The following HECW2 variants were observed in gnomAD, a reference collection of about 807,000 sequenced individuals.
HECW2 encodes HECT, C2 and WW domain containing E3 ubiquitin protein ligase 2.
HECW2 carries 61 observed loss-of-function variants against 175.2 expected under a neutral mutation model. The observed-to-expected ratio is 0.35, with a 90% CI of 0.28 to 0.43. The LOEUF (loss-of-function observed/expected upper bound fraction) is 0.43, where lower values mean the gene tolerates loss of function less well. HECW2 is among the 20% of genes least tolerant of loss of function. The pLI is 1.00. For missense variants in HECW2, 1,524 were observed against 2,000.5 expected, an observed-to-expected ratio of 0.76 and a Z score of 4.54; for synonymous variants, 671 against 731.0, an observed-to-expected ratio of 0.92 and a Z score of 1.32.
chr2:196,511,272 T>C (rs1687944548), intron 1 of HECW2, among the ~76,000 whole-genome samples: 1 of 152,212 alleles, frequency 6.6e-6, no homozygotes, highest in South Asian at 2.1e-4. Context: ...TTCCTAAATG[T>C]GAAATCACAA....
At chr2:196,275,626 C>A (rs775916360) in intron 15 of HECW2, among the ~76,000 whole-genome samples, 1 of 152,084 alleles carries the variant, frequency 6.6e-6, no homozygotes, top group Non-Finnish European at 1.5e-5. Context: ...GTGGCAGGTG[C>A]CTGTAGTCCC....
chr2:196,303,195 T>C (rs1691133313), intron 13 of HECW2, among the ~76,000 whole-genome samples: 1 of 152,250 alleles, frequency 6.6e-6, no homozygotes, highest in Non-Finnish European at 1.5e-5. Flanking sequence ...TCTTTAGTTC[T>C]GTTTATGTGA....
intron 2 of HECW2, among the ~76,000 whole-genome samples, chr2:196,374,438 G>A (rs1426186892): frequency 6.6e-6 from 1 of 152,170 alleles, no homozygotes; most frequent in Non-Finnish European, 1.5e-5. Context: ...TCCAAGTGGT[G>A]TACAATGAAC....
At chr2:196,480,470 GA>G (rs1686803206) in intron 1 of HECW2, among the ~76,000 whole-genome samples, 1 of 152,176 alleles carries the variant, frequency 6.6e-6, no homozygotes, top group Admixed American at 6.5e-5. Flanking sequence ...TAGAGAAGAG[GA>G]TCCCAGCCTA....
chr2:196,209,591 G>A (rs1687189832), intron 28 of HECW2, among the ~76,000 whole-genome samples: 1 of 152,106 alleles, frequency 6.6e-6, no homozygotes, highest in African/African-American at 2.4e-5. Flanking sequence ...ACCACTGTAT[G>A]AGAATCTCCT....
Position 196,200,462 on chromosome 2 carries a change from T to C in HECW2, c.*815A>G, listed in dbSNP as rs1023052975. On this transcript the variant is annotated 3_prime_UTR_variant, in exon 29 of 29. Coordinates refer to ENST00000644978, the MANE Select transcript of HECW2 (RefSeq NM_001348768.2). ...GATACATACAGCATGATAGGTAGGT[T>C]CTTATATACATCTTAAAGAACATAA... 2.0e-5 allele frequency: 3 copies of C among 152,620 alleles called. No homozygotes were observed. The highest frequency in any genetic ancestry group is 2.0e-4 in the Admixed American group (3 of 15,268). 9.5% of individuals were successfully genotyped at this position (152,620 alleles called of 1,614,324 possible).
intron 2 of HECW2, among the ~76,000 whole-genome samples, chr2:196,367,840 C>T (rs145833245): frequency 3.4e-5 from 5 of 147,202 alleles, no homozygotes; most frequent in Admixed American, 1.3e-4. Context: ...TTTTCATGGC[C>T]GAATAGTACT....
intron 26 of HECW2, among the ~76,000 whole-genome samples, chr2:196,219,644 CTG>C (rs1441403135): frequency 6.6e-6 from 1 of 152,204 alleles, no homozygotes; most frequent in Non-Finnish European, 1.5e-5. Flanking sequence ...AGTGGAAAAA[CTG>C]TGCTGATTGG....
chr2:196,500,946 C>T (rs1460695380), intron 1 of HECW2, among the ~76,000 whole-genome samples: 1 of 152,170 alleles, frequency 6.6e-6, no homozygotes, highest in Non-Finnish European at 1.5e-5. Context: ...GGCAAGATTC[C>T]AACAGTGAGG....
intron 26 of HECW2, among the ~76,000 whole-genome samples, chr2:196,218,727 G>A (rs1186925357): frequency 2.0e-5 from 3 of 152,094 alleles, no homozygotes; most frequent in Non-Finnish European, 4.4e-5. Flanking sequence ...TGGAAGGAAA[G>A]AATGAGCTAA....
chr2:196,561,916 G>A (rs1055107631), intron 1 of HECW2, among the ~76,000 whole-genome samples: 19 of 152,224 alleles, frequency 1.2e-4, no homozygotes, highest in Admixed American at 2.0e-4. Flanking sequence ...TGAGAACTTA[G>A]AGGCAATGAA....
intron 1 of HECW2, among the ~76,000 whole-genome samples, chr2:196,499,049 A>G (rs1687490824): frequency 6.6e-6 from 1 of 151,930 alleles, no homozygotes; most frequent in South Asian, 2.1e-4. Flanking sequence ...CCACCAACCT[A>G]TCCTTGAAAA....
intron 2 of HECW2, among the ~76,000 whole-genome samples, chr2:196,387,024 T>G (rs1229800366): frequency 1.3e-5 from 2 of 152,162 alleles, no homozygotes; most frequent in African/African-American, 2.4e-5. Flanking sequence ...TGCTAGGTGA[T>G]GACTCAATTT....
rs530606980 is a variant in HECW2 at position 196,380,304 on chromosome 2, G to C, written c.293-36540C>G. On this transcript the variant is annotated intron_variant, in intron 2 of 28. Transcript: ENST00000644978. ...AGCTCTGCCTTAACTTTTACTTCCT[G>C]CTTGCACAGAGCCTGAAGGTCAGGC... 9.2e-5 allele frequency among the ~76,000 whole-genome samples: 14 copies of C among 152,282 alleles called. No individual in the cohort carries two copies. The East Asian group carries it at 2.7e-3, about 29-fold the overall frequency.
chr2:196,273,966 A>G (rs1238103964), intron 16 of HECW2, 55 bp downstream of exon 16: 10 of 1,275,934 alleles, frequency 7.8e-6, no homozygotes, highest in African/African-American at 5.9e-5. Flanking sequence ...CACAGTGTAC[A>G]TGGTACAGAT....
At chr2:196,435,619 T>A (rs1443739399) in intron 1 of HECW2, among the ~76,000 whole-genome samples, 1 of 152,232 alleles carries the variant, frequency 6.6e-6, no homozygotes, top group African/African-American at 2.4e-5. Context: ...ATTACTGTTT[T>A]TAAATTATCT....
At chr2:196,526,522 G>T (rs1431773129) in intron 1 of HECW2, among the ~76,000 whole-genome samples, 2 of 152,088 alleles carry the variant, frequency 1.3e-5, no homozygotes, top group Non-Finnish European at 2.9e-5. Flanking sequence ...TGCTGGTGAG[G>T]AATTGTGTTC....
intron 12 of HECW2, 57 bp from the exon 13 acceptor site, chr2:196,306,669 A>G: frequency 6.6e-7 from 1 of 1,518,742 alleles, no homozygotes; most frequent in Non-Finnish European, 8.9e-7. Flanking sequence ...TGTGAAAACT[A>G]TCTACTCACT....
At chr2:196,304,773 C>A (rs2105700001) in intron 13 of HECW2, among the ~76,000 whole-genome samples, 1 of 152,284 alleles carries the variant, frequency 6.6e-6, no homozygotes, top group Non-Finnish European at 1.5e-5. Context: ...GTTTGTGTAG[C>A]CTAGCTTCTG....
Sources: allele counts gnomAD v4.1 joint callset (sites outside exome capture counted in the v4.1 genomes callset), GRCh38; gene constraint gnomAD v4.1.1; transcripts MANE v1.5; gene names NCBI Gene and HGNC (gene_info 2026-07-23, HGNC 2026-07-21).